The following ARID1B variants were observed in gnomAD, a reference collection of about 807,000 sequenced individuals.
The protein encoded by ARID1B is AT-rich interactive domain-containing protein 1B.
A neutral mutation model predicts 212.3 loss-of-function variants in ARID1B; 30 were observed. The observed-to-expected ratio is 0.14, with a 90% CI of 0.11 to 0.19. The LOEUF (loss-of-function observed/expected upper bound fraction) is 0.19, where lower values mean the gene tolerates loss of function less well. Among genes scored for constraint, ARID1B ranks in the 10% least tolerant of loss-of-function variants. The pLI, the probability that ARID1B is intolerant of heterozygous loss-of-function variation, is 1.00. For missense variants in ARID1B, 2,891 were observed against 3,204.0 expected (o/e 0.90, Z 2.36); for synonymous variants, 1,402 against 1,301.7 (o/e 1.08, Z -1.66).
At chr6:156,793,248 C>G (rs1478488043) in intron 1 of ARID1B, among the ~76,000 whole-genome samples, 1 of 152,128 alleles carries the variant, frequency 6.6e-6, no homozygotes, top group Non-Finnish European at 1.5e-5. Context: ...GGAGAGTGGT[C>G]CTCCTGGTGC....
At chr6:156,804,198 G>A (rs1780989716) in intron 1 of ARID1B, among the ~76,000 whole-genome samples, 1 of 152,042 alleles carries the variant, frequency 6.6e-6, no homozygotes, top group Non-Finnish European at 1.5e-5. Flanking sequence ...TTAGCTGGGT[G>A]TGGTGGTGCA....
rs530531190 is a variant in ARID1B, at chr6:156,893,272, C to T, written c.1987-8104C>T. On this transcript the variant is annotated intron_variant, in intron 2 of 19. Coordinates refer to ENST00000636930, the MANE Select transcript of ARID1B (RefSeq NM_001374828.1). ...AACTCCTGACCTCAAATGATCCACTCGCCTCGGCCGTCCGAAGTGCTGGGA... is the reference window on the plus strand; with the variant it reads ...AACTCCTGACCTCAAATGATCCACTTGCCTCGGCCGTCCGAAGTGCTGGGA... Among the ~76,000 whole-genome samples the T allele has an allele frequency of 3.3e-5, 5 of 152,230 alleles. No individual in the cohort carries two copies. The South Asian group carries it at 6.2e-4, about 19-fold the overall frequency.
At chr6:156,837,970 A>G (rs1265165970) in intron 2 of ARID1B, among the ~76,000 whole-genome samples, 1 of 152,180 alleles carries the variant, frequency 6.6e-6, no homozygotes, top group African/African-American at 2.4e-5. Flanking sequence ...AATAGCCCCA[A>G]TCCAAAATTT....
At chr6:157,178,465 C>T (rs1418115474) in intron 11 of ARID1B, among the ~76,000 whole-genome samples, 1 of 152,086 alleles carries the variant, frequency 6.6e-6, no homozygotes, top group Non-Finnish European at 1.5e-5. Context: ...AAAAGTAAAG[C>T]GTGTGGCAGT....
intron 4 of ARID1B, among the ~76,000 whole-genome samples, chr6:156,953,285 G>T (rs1722040691): frequency 6.6e-6 from 1 of 152,218 alleles, no homozygotes; most frequent in African/African-American, 2.4e-5. Context: ...AGCCCCCTTA[G>T]CTGACTACTG....
At chr6:157,046,820 A>C (rs1233484746) in intron 4 of ARID1B, among the ~76,000 whole-genome samples, 1 of 152,180 alleles carries the variant, frequency 6.6e-6, no homozygotes, top group Admixed American at 6.5e-5. Flanking sequence ...ATGGCCAGTT[A>C]CTTTTCAGCA....
At chr6:156,880,044 G>C (rs757042133) in intron 2 of ARID1B, among the ~76,000 whole-genome samples, 2 of 152,208 alleles carry the variant, frequency 1.3e-5, no homozygotes, top group Non-Finnish European at 2.9e-5. Flanking sequence ...TGGGAGCCCA[G>C]ATGCCCCCTG....
At chr6:156,810,970 G>A (rs145753745) in intron 1 of ARID1B, among the ~76,000 whole-genome samples, 5 of 152,310 alleles carry the variant, frequency 3.3e-5, no homozygotes, top group African/African-American at 1.2e-4. Context: ...TCTGCTTGGG[G>A]TCGTAGAGGC....
At chr6:157,183,311 T>C (rs1295218109) in intron 12 of ARID1B, among the ~76,000 whole-genome samples, 2 of 152,102 alleles carry the variant, frequency 1.3e-5, no homozygotes, top group African/African-American at 4.8e-5. Context: ...CAATTTATTA[T>C]ACACCACCGA....
chr6:157,077,429 C>T (rs2128445852), intron 4 of ARID1B, among the ~76,000 whole-genome samples: 1 of 152,282 alleles, frequency 6.6e-6, no homozygotes, highest in East Asian at 1.9e-4. Context: ...GCGCAGCCTG[C>T]CTCTGCCAGG....
chr6:157,117,995 C>G lies in ARID1B; in HGVS notation c.2581+7434C>G, dbSNP rs1787441165. 2.0e-5 allele frequency among the ~76,000 whole-genome samples: 3 copies of G among 152,118 alleles called. No homozygotes were observed. The South Asian group carries it at 6.2e-4, about 32-fold the overall frequency. Reference sequence around the variant, plus strand: ...TGCTGAGTCCCCTCCCCAACCCCAGCCGTGCTCTTTATGACCCAGGGGCAT... The same window carrying G: ...TGCTGAGTCCCCTCCCCAACCCCAGGCGTGCTCTTTATGACCCAGGGGCAT... On this transcript the variant is annotated intron_variant, in intron 6 of 19. Transcript: ENST00000636930.
At chr6:156,776,806 CATAG>C (rs1450112353), upstream of ARID1B, 5 of 152,206 alleles carry the variant, frequency 3.3e-5, no homozygotes, top group Non-Finnish European at 7.3e-5. Context: ...GGGTACAGGC[CATAG>C]GGCTCTCTGA....
At chr6:156,991,995 A>G (rs17342130) in intron 4 of ARID1B, among the ~76,000 whole-genome samples, 26,133 of 152,268 alleles carry the variant, frequency 0.17, 3,008 homozygotes, top group Non-Finnish European at 0.25. Flanking sequence ...AAAGTTTACA[A>G]AGATCTCTTG....
At chr6:156,862,425 A>C (rs9397976) in intron 2 of ARID1B, among the ~76,000 whole-genome samples, 1 of 152,010 alleles carries the variant, frequency 6.6e-6, no homozygotes, top group Non-Finnish European at 1.5e-5. Flanking sequence ...TGGCACCCCA[A>C]CACTTAAGGG....
intron 6 of ARID1B, among the ~76,000 whole-genome samples, chr6:157,128,171 T>A (rs1442708311): frequency 3.9e-5 from 6 of 152,246 alleles, no homozygotes; most frequent in Admixed American, 3.9e-4. Context: ...TTCTGTCTTC[T>A]AATTTTTTAT....
intron 7 of ARID1B, among the ~76,000 whole-genome samples, chr6:157,137,102 G>GC (rs1788976752): frequency 6.6e-6 from 1 of 151,882 alleles, no homozygotes; most frequent in African/African-American, 2.4e-5. Context: ...GATCACTTGA[G>GC]CCCAGGAGGT....
At chr6:157,198,736 AGAAATG>A in intron 16 of ARID1B, 69 bp from the exon 17 acceptor site, 1 of 1,306,994 alleles carries the variant, frequency 7.7e-7, no homozygotes, top group African/African-American at 1.4e-5. Flanking sequence ...TCAGGGTTCC[AGAAATG>A]GATTGTTTAT....
intron 4 of ARID1B, among the ~76,000 whole-genome samples, chr6:157,070,583 T>C (rs1325567382): frequency 6.6e-6 from 1 of 152,234 alleles, no homozygotes; most frequent in Non-Finnish European, 1.5e-5. Flanking sequence ...ACAATTCTTG[T>C]GGTCAGTGCT....
At chr6:157,082,014 G>A (rs531425098) in intron 4 of ARID1B, among the ~76,000 whole-genome samples, 118 of 152,136 alleles carry the variant, frequency 7.8e-4, no homozygotes, top group African/African-American at 2.7e-3. Flanking sequence ...GGTCATTGCC[G>A]TGTGGTGGGT....
Sources: allele counts gnomAD v4.1 joint callset (sites outside exome capture counted in the v4.1 genomes callset), GRCh38; gene constraint gnomAD v4.1.1; transcripts MANE v1.5; gene names NCBI Gene and HGNC (gene_info 2026-07-23, HGNC 2026-07-21).